Variants in OXR1 observed in about 807,000 individuals in gnomAD.
OXR1 encodes oxidation resistance protein 1.
In OXR1, 41 loss-of-function variants were observed where a neutral mutation model predicts 104.6. The observed-to-expected ratio is 0.39, with a 90% CI of 0.31 to 0.51. OXR1 has a LOEUF of 0.51. Among genes scored for constraint, OXR1 ranks in the 20% least tolerant of loss-of-function variants. OXR1 has a pLI of 0.77. For missense variants in OXR1, 955 were observed against 1,031.9 expected, an observed-to-expected ratio of 0.93 and a Z score of 1.02; for synonymous variants, 348 against 348.4, an observed-to-expected ratio of 1.00 and a Z score of 0.01.
intron 2 of OXR1, among the ~76,000 whole-genome samples, chr8:106,396,298 C>T (rs1034495354): frequency 6.6e-6 from 1 of 151,964 alleles, no homozygotes; most frequent in Non-Finnish European, 1.5e-5. Context: ...AGTAGAGAAA[C>T]CTGACACACA....
chr8:106,445,319 G>A (rs1333930705), intron 2 of OXR1, among the ~76,000 whole-genome samples: 2 of 152,140 alleles, frequency 1.3e-5, no homozygotes, highest in Non-Finnish European at 2.9e-5. Context: ...ACAATACAGA[G>A]GTGAAAAGTA....
chr8:106,526,811 G>A (rs1563581899), intron 3 of OXR1, among the ~76,000 whole-genome samples: 2 of 152,186 alleles, frequency 1.3e-5, no homozygotes, highest in Non-Finnish European at 2.9e-5. Flanking sequence ...CCAAAGTCCT[G>A]GGATTATAGG....
At chr8:106,307,199 A>G (rs1813497737) in intron 1 of OXR1, among the ~76,000 whole-genome samples, 1 of 152,202 alleles carries the variant, frequency 6.6e-6, no homozygotes, top group Non-Finnish European at 1.5e-5. Flanking sequence ...TGGGAATGGT[A>G]TGTGAAGGGA....
intron 12 of OXR1, among the ~76,000 whole-genome samples, chr8:106,738,679 T>C (rs767439291): frequency 6.6e-6 from 1 of 151,614 alleles, no homozygotes; most frequent in East Asian, 1.9e-4. Context: ...ATAGAATATA[T>C]TGTGCAGTAG....
At chr8:106,273,104 G>C (rs1168318115) in intron 1 of OXR1, among the ~76,000 whole-genome samples, 1 of 152,136 alleles carries the variant, frequency 6.6e-6, no homozygotes, top group Non-Finnish European at 1.5e-5. Flanking sequence ...ACAAAGGATT[G>C]TACCCTTGGG....
intron 2 of OXR1, among the ~76,000 whole-genome samples, chr8:106,501,345 G>A (rs1456299885): frequency 2.0e-5 from 3 of 152,164 alleles, no homozygotes; most frequent in African/African-American, 2.4e-5. Context: ...ACAGAGAGAG[G>A]GAGGAGGAGC....
intron 3 of OXR1, among the ~76,000 whole-genome samples, chr8:106,564,461 T>C (rs1816927243): frequency 6.6e-6 from 1 of 151,650 alleles, no homozygotes; most frequent in Non-Finnish European, 1.5e-5. Context: ...AATAGACCAA[T>C]AACAAGTTCT....
At chr8:106,422,240 T>G (rs1484526577) in intron 2 of OXR1, among the ~76,000 whole-genome samples, 4 of 152,178 alleles carry the variant, frequency 2.6e-5, no homozygotes, top group Admixed American at 6.6e-5. Context: ...GCTAAAATTC[T>G]GTAAGTCAGC....
chr8:106,383,238 T>A (rs549099135), intron 2 of OXR1, among the ~76,000 whole-genome samples: 1 of 152,262 alleles, frequency 6.6e-6, no homozygotes, highest in South Asian at 2.1e-4. Context: ...TTTAATTAGG[T>A]TTATAGCATT....
At chr8:106,745,969 A>G in intron 16 of OXR1, 107 bp downstream of exon 16, 2 of 631,030 alleles carry the variant, frequency 3.2e-6, no homozygotes, top group Non-Finnish European at 5.6e-6. Context: ...GTTAGAATTC[A>G]AATTTGTATA....
In OXR1 at chr8:106,503,430, G is replaced by A. The variant is rs978359001; in HGVS notation, c.24-15513G>A. On this transcript the variant is annotated intron_variant, in intron 2 of 16. Transcript: ENST00000517566. ...CTGATTTCATGACCCTTGGCTGACC[G>A]CCCAATACAACAGTGTGGAGATTAG... 3.3e-5 allele frequency among the ~76,000 whole-genome samples: 5 copies of A among 152,138 alleles called. No individual in the cohort carries two copies. The South Asian group carries it at 6.2e-4, about 19-fold the overall frequency.
chr8:106,600,049 CT>C (rs1819845756), intron 3 of OXR1, among the ~76,000 whole-genome samples: 1 of 152,204 alleles, frequency 6.6e-6, no homozygotes, highest in Non-Finnish European at 1.5e-5. Flanking sequence ...TCATCTTCTG[CT>C]TTGCAGACTG....
intron 1 of OXR1, among the ~76,000 whole-genome samples, chr8:106,275,788 AAC>A (rs374957851): frequency 3.3e-5 from 5 of 151,234 alleles, no homozygotes; most frequent in South Asian, 2.1e-4. Context: ...AGCAACAACA[AAC>A]ACACACACAC....
intron 2 of OXR1, among the ~76,000 whole-genome samples, chr8:106,412,979 A>G (rs942641764): frequency 3.3e-5 from 5 of 152,106 alleles, no homozygotes; most frequent in African/African-American, 1.2e-4. Flanking sequence ...GCTAATCTTG[A>G]TGAATACCAT....
intron 1 of OXR1, among the ~76,000 whole-genome samples, chr8:106,305,887 C>A (rs908240969): frequency 2.6e-5 from 4 of 152,070 alleles, no homozygotes; most frequent in African/African-American, 9.7e-5. Flanking sequence ...CAGTTTTATA[C>A]TAGAGAAAAA....
At chr8:106,649,938 C>T (rs1489869359) in intron 3 of OXR1, among the ~76,000 whole-genome samples, 3 of 152,070 alleles carry the variant, frequency 2.0e-5, no homozygotes, top group East Asian at 1.9e-4. Flanking sequence ...CTTCATGATC[C>T]GCCCACCTTG....
chr8:106,676,853 A>G (rs1827643397), intron 3 of OXR1, among the ~76,000 whole-genome samples: 1 of 152,086 alleles, frequency 6.6e-6, no homozygotes, highest in Non-Finnish European at 1.5e-5. Context: ...TTTTTATAAT[A>G]TGTAATTATT....
chr8:106,704,839 G>T (rs1201691628), intron 8 of OXR1, among the ~76,000 whole-genome samples: 1 of 151,856 alleles, frequency 6.6e-6, no homozygotes, highest in Admixed American at 6.6e-5. Context: ...GTGTCACCTG[G>T]ATTTAAATAT....
intron 7 of OXR1, among the ~76,000 whole-genome samples, chr8:106,694,506 A>G (rs1197747696): frequency 7.4e-6 from 1 of 135,016 alleles, no homozygotes; most frequent in Non-Finnish European, 1.5e-5. Context: ...ATATGTTTTT[A>G]TATATATTTG....
Sources: gnomAD v4.1 joint callset for allele counts (sites outside exome capture counted in the v4.1 genomes callset) on GRCh38, gnomAD v4.1.1 for gene constraint, MANE v1.5 for transcripts, NCBI Gene and HGNC (gene_info 2026-07-23, HGNC 2026-07-21) for gene names.